ARHGAP15: variants seen among roughly 807,000 people sequenced by gnomAD.
ARHGAP15 encodes the protein Rho GTPase activating protein 15.
Under a neutral mutation model 63.7 loss-of-function variants are expected in ARHGAP15, and 51 were observed. That is an observed-to-expected ratio of 0.80 (90% confidence interval 0.64 to 1.01). The LOEUF (loss-of-function observed/expected upper bound fraction) is 1.01. Ranked by LOEUF, ARHGAP15 falls within the 50% of genes least tolerant of loss-of-function variation. The pLI, the probability that ARHGAP15 is intolerant of heterozygous loss-of-function variation, is 0.00. For missense variants in ARHGAP15, 560 were observed against 564.6 expected (o/e 0.99, Z 0.08); for synonymous variants, 191 against 193.8 (o/e 0.99, Z 0.12).
chr2:143,426,249 T>G (rs933846211), intron 6 of ARHGAP15, among the ~76,000 whole-genome samples: 2 of 152,200 alleles, frequency 1.3e-5, no homozygotes, highest in Non-Finnish European at 2.9e-5. Context: ...GTTATTTTTA[T>G]GTAAATATTG....
chr2:143,416,499 G>T (rs548217823), intron 6 of ARHGAP15, among the ~76,000 whole-genome samples: 1 of 29,720 alleles, frequency 3.4e-5, no homozygotes, highest in East Asian at 7.3e-4. Context: ...TGGTCTCCCC[G>T]TTGTTCTTTG....
At chr2:143,528,339 T>G (rs1694370745) in intron 10 of ARHGAP15, among the ~76,000 whole-genome samples, 1 of 152,190 alleles carries the variant, frequency 6.6e-6, no homozygotes, top group Middle Eastern at 3.4e-3. Context: ...TAGTGCTGTT[T>G]TGTATTAGTT....
intron 6 of ARHGAP15, among the ~76,000 whole-genome samples, chr2:143,417,605 A>G (rs929012327): frequency 1.1e-4 from 16 of 152,174 alleles, no homozygotes; most frequent in African/African-American, 3.6e-4. Flanking sequence ...AGAAGCACCA[A>G]GTAGTGAAAT....
At chr2:143,375,183 G>A (rs1263031969) in intron 6 of ARHGAP15, among the ~76,000 whole-genome samples, 1 of 152,052 alleles carries the variant, frequency 6.6e-6, no homozygotes, top group Non-Finnish European at 1.5e-5. Flanking sequence ...TTAATTTCAA[G>A]GTTAACATTA....
chr2:143,761,356 A>T (rs1686753691), intron 13 of ARHGAP15, among the ~76,000 whole-genome samples: 1 of 152,204 alleles, frequency 6.6e-6, no homozygotes, highest in African/African-American at 2.4e-5. Context: ...CCGTAAAACT[A>T]TCCTAAAGTT....
At chr2:143,240,901 A>G (rs529969838) in intron 5 of ARHGAP15, among the ~76,000 whole-genome samples, 1 of 152,270 alleles carries the variant, frequency 6.6e-6, no homozygotes, top group Admixed American at 6.5e-5. Context: ...TAAATTCTGT[A>G]ACTTACATAA....
At chr2:143,557,503 A>G (rs1695858244) in intron 11 of ARHGAP15, among the ~76,000 whole-genome samples, 1 of 152,064 alleles carries the variant, frequency 6.6e-6, no homozygotes, top group Non-Finnish European at 1.5e-5. Context: ...AGGTGAGCAC[A>G]GGGGATTTTG....
chr2:143,538,294 T>G (rs1694875005), intron 10 of ARHGAP15, among the ~76,000 whole-genome samples: 1 of 152,176 alleles, frequency 6.6e-6, no homozygotes, highest in East Asian at 1.9e-4. Context: ...GACAATGGGG[T>G]TTTCTAGATA....
intron 12 of ARHGAP15, among the ~76,000 whole-genome samples, chr2:143,658,555 T>A (rs1472891176): frequency 6.6e-6 from 1 of 152,204 alleles, no homozygotes; most frequent in Non-Finnish European, 1.5e-5. Context: ...TTTTGGCTCA[T>A]GGAACTAGAT....
chr2:143,510,014 C>T (rs1367356019), intron 9 of ARHGAP15, among the ~76,000 whole-genome samples: 3 of 96,284 alleles, frequency 3.1e-5, no homozygotes, highest in Non-Finnish European at 4.3e-5. Context: ...GTAAGACTCC[C>T]TCTTAAAAAA....
intron 6 of ARHGAP15, among the ~76,000 whole-genome samples, chr2:143,281,329 A>G (rs1025705543): frequency 3.9e-5 from 6 of 152,200 alleles, no homozygotes; most frequent in African/African-American, 1.4e-4. Flanking sequence ...AGGCTACTTT[A>G]ATATAAAAAG....
intron 11 of ARHGAP15, chr2:143,571,917 A>G (rs1453910666): frequency 6.6e-6 from 1 of 152,234 alleles, no homozygotes; most frequent in African/African-American, 2.4e-5. Flanking sequence ...GATGCACATC[A>G]TCAGTGGTTT....
At chr2:143,210,115 T>C (rs1036484749) in intron 3 of ARHGAP15, among the ~76,000 whole-genome samples, 3 of 152,088 alleles carry the variant, frequency 2.0e-5, no homozygotes, top group African/African-American at 4.8e-5. Context: ...TGAAGTCCAG[T>C]GACAGGCAAA....
intron 6 of ARHGAP15, among the ~76,000 whole-genome samples, chr2:143,347,757 C>T (rs1206589300): frequency 6.6e-6 from 1 of 151,078 alleles, no homozygotes; most frequent in Non-Finnish European, 1.5e-5. Context: ...TTGAGTATAA[C>T]TTTTAGGCTT....
chr2:143,526,646 A>G (rs1694294415), intron 10 of ARHGAP15, among the ~76,000 whole-genome samples: 1 of 152,170 alleles, frequency 6.6e-6, no homozygotes, highest in Non-Finnish European at 1.5e-5. Context: ...GAGTTCCACC[A>G]TAAAAATAAT....
At chr2:143,170,647 T>G (rs1163127937) in intron 2 of ARHGAP15, among the ~76,000 whole-genome samples, 1 of 152,114 alleles carries the variant, frequency 6.6e-6, no homozygotes, top group African/African-American at 2.4e-5. Context: ...TTATGCCTAT[T>G]AAAATTCTAT....
intron 12 of ARHGAP15, among the ~76,000 whole-genome samples, chr2:143,661,182 G>A (rs1431578683): frequency 6.6e-6 from 1 of 152,150 alleles, no homozygotes; most frequent in Non-Finnish European, 1.5e-5. Context: ...GATCAGATCA[G>A]GCCCACCCCA....
At chr2:143,355,653 A>G (rs371297903) in intron 6 of ARHGAP15, among the ~76,000 whole-genome samples, 1 of 152,186 alleles carries the variant, frequency 6.6e-6, no homozygotes, top group East Asian at 1.9e-4. Context: ...TTATCCATCT[A>G]GTAAAGTTGT....
chr2:143,190,512 C>T (rs188072066), intron 2 of ARHGAP15, among the ~76,000 whole-genome samples: 1 of 152,184 alleles, frequency 6.6e-6, no homozygotes, highest in South Asian at 2.1e-4. Flanking sequence ...ATTTTAATCC[C>T]CTAGTTTGCA....
Sources: allele counts gnomAD v4.1 joint callset (sites outside exome capture counted in the v4.1 genomes callset), GRCh38; gene constraint gnomAD v4.1.1; transcripts MANE v1.5; gene names NCBI Gene and HGNC (gene_info 2026-07-23, HGNC 2026-07-21).